Variants in ESRP1 observed in about 807,000 individuals in gnomAD.
ESRP1 encodes epithelial splicing regulatory protein 1.
A neutral mutation model predicts 81.7 loss-of-function variants in ESRP1; 33 were observed. The observed-to-expected ratio is 0.40, with a 90% confidence interval of 0.31 to 0.54. The LOEUF (loss-of-function observed/expected upper bound fraction) is 0.54. ESRP1 is among the 20% of genes least tolerant of loss of function. The probability of loss-of-function intolerance (pLI) is 0.41; values close to 1 mark genes in which losing one functional copy is unlikely to be tolerated. For synonymous variants in ESRP1, 320 were observed against 303.3 expected, an observed-to-expected ratio of 1.06 and a Z score of -0.57; for missense variants, 672 against 833.1, an observed-to-expected ratio of 0.81 and a Z score of 2.38.
intron 13 of ESRP1, among the ~76,000 whole-genome samples, chr8:94,689,513 C>A (rs1447696300): frequency 6.6e-6 from 1 of 151,732 alleles, no homozygotes; most frequent in East Asian, 1.9e-4. Flanking sequence ...CTTATTAGAT[C>A]TAGTAGTTTT....
At chr8:94,689,895 C>A (rs1233080807) in intron 13 of ESRP1, among the ~76,000 whole-genome samples, 1 of 148,456 alleles carries the variant, frequency 6.7e-6, no homozygotes, top group African/African-American at 2.5e-5. Context: ...CAGCTCACTG[C>A]AAGCTCCATC....
At position 94,641,450 on chromosome 8, in the gene ESRP1, G is replaced by A; in HGVS notation, c.132G>A (p.Lys44=). 3 of 1,613,806 alleles carry A rather than the reference G, an allele frequency of 1.9e-6. No individual in the cohort carries two copies. The highest frequency in any genetic ancestry group is 2.5e-6 in the Non-Finnish European group (3 of 1,179,840). ...FWKVVDLANK[K]VGQLHEVLVR... Reference sequence around the variant, plus strand: ...AAGTCGTGGATCTGGCCAACAAGAAGGTATTTCTCCACATTTTCGTCTAAA... The same window carrying A: ...AAGTCGTGGATCTGGCCAACAAGAAAGTATTTCTCCACATTTTCGTCTAAA... The change falls in exon 1 of 16, where the codon AAG becomes AAA. Residue 44 remains lysine, a splice_region_variant and synonymous_variant. Coordinates refer to ENST00000433389, the MANE Select transcript of ESRP1 (RefSeq NM_017697.4).
rs1818945765 is a variant in ESRP1 at position 94,664,981 on chromosome 8, G to A, written c.810G>A (p.Leu270=). The change falls in exon 8 of 16, where the codon CTG becomes CTA. Residue 270 remains leucine (L), a synonymous_variant. Coordinates refer to ENST00000433389, the MANE Select transcript of ESRP1 (RefSeq NM_017697.4). The part of the protein sequence containing the change: ...NAQGRRNGEA[L]VRFVSEEHRD... ...AGGGTCGAAGGAACGGAGAAGCTCTGGTTAGGTTTGTAAGTGAGGAGCACC... is the reference window on the plus strand; with the variant it reads ...AGGGTCGAAGGAACGGAGAAGCTCTAGTTAGGTTTGTAAGTGAGGAGCACC... 1 of 1,613,560 alleles carries A rather than the reference G, an allele frequency of 6.2e-7. No individual in the cohort carries two copies. The highest frequency in any genetic ancestry group is 8.5e-7 in the Non-Finnish European group (1 of 1,179,810).
chr8:94,671,803 T>C (rs1438759079), intron 11 of ESRP1, 132 bp downstream of exon 11: 1 of 586,850 alleles, frequency 1.7e-6, no homozygotes, highest in Non-Finnish European at 2.7e-6. Flanking sequence ...ATAAAATTAG[T>C]CTGAGATAAA....
chr8:94,641,723 AG>A, intron 1 of ESRP1: 3 of 605,124 alleles, frequency 5.0e-6, no homozygotes, highest in Non-Finnish European at 7.4e-6. Context: ...CGCCGAGACG[AG>A]GTGGGGTCTC....
At chr8:94,703,859 A>C (rs1164227719) in intron 15 of ESRP1, among the ~76,000 whole-genome samples, 1 of 152,120 alleles carries the variant, frequency 6.6e-6, no homozygotes, top group Non-Finnish European at 1.5e-5. Context: ...TAGGGGCTTG[A>C]GATTAGGTGA....
intron 9 of ESRP1, among the ~76,000 whole-genome samples, chr8:94,667,117 C>T (rs540723283): frequency 1.2e-4 from 17 of 137,832 alleles, no homozygotes; most frequent in Admixed American, 7.1e-5. Flanking sequence ...TCTGGGAGGC[C>T]GAGGCAGGAG....
rs917931107 is a variant in ESRP1 at position 94,666,825 on chromosome 8, A to G, written c.932-1124A>G. 3.9e-5 allele frequency among the ~76,000 whole-genome samples: 6 copies of G among 152,356 alleles called. 1 individual carries two copies. Among genetic ancestry groups the G allele is most frequent in the African/African-American group, 1.4e-4 (6 of 41,596 alleles). Reference sequence around the variant, plus strand: ...TACCTAAATCCTGACATTTCATGATAGATGCATTGCAACTTGGAGATGGCA... The same window carrying G: ...TACCTAAATCCTGACATTTCATGATGGATGCATTGCAACTTGGAGATGGCA... On this transcript the variant is annotated intron_variant, in intron 9 of 15. Transcript: ENST00000433389.
chr8:94,675,229 CTTTT>C (rs1331073706), intron 12 of ESRP1, among the ~76,000 whole-genome samples: 2 of 152,130 alleles, frequency 1.3e-5, no homozygotes, highest in Non-Finnish European at 2.9e-5. Flanking sequence ...AAATTTGAGT[CTTTT>C]TTACACAATT....
chr8:94,697,579 C>A (rs957808814), intron 15 of ESRP1, among the ~76,000 whole-genome samples: 1 of 152,144 alleles, frequency 6.6e-6, no homozygotes, highest in African/African-American at 2.4e-5. Context: ...CATGGACATA[C>A]GACATTTTAT....
At chr8:94,703,907 A>G (rs192875671) in intron 15 of ESRP1, among the ~76,000 whole-genome samples, 1 of 152,294 alleles carries the variant, frequency 6.6e-6, no homozygotes, top group East Asian at 1.9e-4. Flanking sequence ...TACTGCCAAA[A>G]GAGGGGTAAA....
At chr8:94,673,866 A>G (rs1819456257) in intron 11 of ESRP1, among the ~76,000 whole-genome samples, 1 of 152,202 alleles carries the variant, frequency 6.6e-6, no homozygotes, top group Non-Finnish European at 1.5e-5. Flanking sequence ...CTGAGAGCCA[A>G]AAAAGAATAC....
At chr8:94,691,700 T>C (rs1809409299) in intron 13 of ESRP1, among the ~76,000 whole-genome samples, 1 of 152,326 alleles carries the variant, frequency 6.6e-6, no homozygotes, top group East Asian at 1.9e-4. Flanking sequence ...TAGTCCCTTC[T>C]ATTATGTGTT....
At chr8:94,672,921 A>G (rs1261983873) in intron 11 of ESRP1, among the ~76,000 whole-genome samples, 1 of 13,322 alleles carries the variant, frequency 7.5e-5, no homozygotes, top group East Asian at 2.6e-3. Flanking sequence ...TATTGAAAAT[A>G]CTGAATTTTT....
intron 4 of ESRP1, among the ~76,000 whole-genome samples, chr8:94,652,223 G>A (rs1818178764): frequency 6.6e-6 from 1 of 151,926 alleles, no homozygotes; most frequent in Non-Finnish European, 1.5e-5. Context: ...CCTGACCTCA[G>A]GTGATCTGCC....
At chr8:94,650,107 G>A (rs1382460662) in intron 4 of ESRP1, among the ~76,000 whole-genome samples, 4 of 152,016 alleles carry the variant, frequency 2.6e-5, no homozygotes, top group Admixed American at 6.6e-5. Context: ...ACATTGACAT[G>A]TCAATATTAC....
In ESRP1 at chr8:94,689,811, C is replaced by CTTTTTTTTTTTTTT. The variant is rs58359551; in HGVS notation, c.1821-2854_1821-2841dup. Among the ~76,000 whole-genome samples, 428 of 64,550 alleles carry CTTTTTTTTTTTTTT rather than the reference C, an allele frequency of 6.6e-3. 34 individuals are homozygous for CTTTTTTTTTTTTTT. Among genetic ancestry groups the CTTTTTTTTTTTTTT allele is most frequent in the Middle Eastern group, 0.023 (3 of 128 alleles). The allele number at this position is 64,550 out of a possible 152,430, so 42.3% of individuals were successfully genotyped here. On this transcript the variant is annotated intron_variant, in intron 13 of 15. Coordinates refer to ENST00000433389, the MANE Select transcript of ESRP1 (RefSeq NM_017697.4). ...CACAGGCATGTGCTATGATGCCTGGCTTTTTTTTTTTTTTTTTTTTTTTTT... is the reference window on the plus strand; with the variant it reads ...CACAGGCATGTGCTATGATGCCTGGCTTTTTTTTTTTTTTTTTTTTTTTTTTTTTTTTTTTTTTT...
chr8:94,705,676 A>AG (rs2130752218), intron 15 of ESRP1: 1 of 420,086 alleles, frequency 2.4e-6, no homozygotes, highest in Admixed American at 4.1e-5. Flanking sequence ...GATACTACAA[A>AG]GGGTAGGAGT....
chr8:94,685,255 G>A (rs1809092184), intron 13 of ESRP1, among the ~76,000 whole-genome samples: 1 of 152,046 alleles, frequency 6.6e-6, no homozygotes, highest in South Asian at 2.1e-4. Context: ...TTGGCATCCA[G>A]TATGTTCATA....
Sources: allele counts gnomAD v4.1 joint callset (sites outside exome capture counted in the v4.1 genomes callset), GRCh38; gene constraint gnomAD v4.1.1; transcripts MANE v1.5; gene names NCBI Gene and HGNC (gene_info 2026-07-23, HGNC 2026-07-21).